Variants in MSL2 observed in about 807,000 individuals in gnomAD.
MSL2 encodes E3 ubiquitin-protein ligase MSL2.
In MSL2, 2 loss-of-function variants were observed where a neutral mutation model predicts 35.8. The ratio of observed to expected loss-of-function variants is 0.06; its 90% CI spans 0.02 to 0.18. MSL2 has a LOEUF of 0.18. Ranked by LOEUF, MSL2 falls within the 10% of genes least tolerant of loss-of-function variation. MSL2 has a pLI of 1.00. For synonymous variants in MSL2, 296 were observed against 255.7 expected, an observed-to-expected ratio of 1.16 and a Z score of -1.50; for missense variants, 523 against 706.7, an observed-to-expected ratio of 0.74 and a Z score of 2.95.
intron 1 of MSL2, among the ~76,000 whole-genome samples, chr3:136,182,210 T>C (rs1940387468): frequency 6.6e-6 from 1 of 152,178 alleles, no homozygotes; most frequent in African/African-American, 2.4e-5. Context: ...ACAATGTTGT[T>C]AAGGATAACA....
rs991224702 is a variant in MSL2, at chr3:136,170,142, G to A, written c.143-17404C>T. Among the ~76,000 whole-genome samples, 26 of 150,892 alleles carry A rather than the reference G, an allele frequency of 1.7e-4. No homozygotes were observed. The South Asian group carries it at 2.5e-3, about 15-fold the overall frequency. ...AGATCACCTGAGGTCAGGGGTTCAC[G>A]ACCAGCCTGGCCAACATGGTGAAAC... is the stretch of plus-strand genomic sequence containing the variant. On this transcript the variant is annotated intron_variant, in intron 1 of 1. Coordinates refer to ENST00000309993, the MANE Select transcript of MSL2 (RefSeq NM_018133.4).
At chr3:136,192,696 A>AG (rs1244135000) in intron 1 of MSL2, among the ~76,000 whole-genome samples, 3 of 152,250 alleles carry the variant, frequency 2.0e-5, no homozygotes, top group Non-Finnish European at 4.4e-5. Context: ...AAAAGGTAGT[A>AG]GCGGGTCAAA....
At chr3:136,184,330 G>A (rs189434684) in intron 1 of MSL2, among the ~76,000 whole-genome samples, 1 of 151,938 alleles carries the variant, frequency 6.6e-6, no homozygotes, top group Admixed American at 6.6e-5. Flanking sequence ...GCTGGGCACA[G>A]TAGCTCATGT....
At chr3:136,153,792 A>G (rs192611426) in intron 1 of MSL2, among the ~76,000 whole-genome samples, 16 of 143,714 alleles carry the variant, frequency 1.1e-4, no homozygotes, top group African/African-American at 3.9e-4. Flanking sequence ...TTAGTCTCAA[A>G]AAAAAAAAGG....
chr3:136,194,340 C>T (rs1940773949), intron 1 of MSL2: 2 of 908,384 alleles, frequency 2.2e-6, no homozygotes, highest in African/African-American at 3.6e-5. Flanking sequence ...TAACCCTCGA[C>T]AAAGCCAAAG....
In MSL2 at chr3:136,195,833, C is replaced by G; in HGVS notation, c.-720G>C. On this transcript the variant is annotated 5_prime_UTR_variant, in exon 1 of 2. Coordinates refer to ENST00000309993, the MANE Select transcript of MSL2 (RefSeq NM_018133.4). ...GAGTCCTCAACCCGGAGGGGAAGGC[C>G]GGGGAGGAAGTGCGCGGGCCGCCGC... 1 of 984,448 alleles carries G rather than the reference C, an allele frequency of 1.0e-6. No homozygotes were observed. The highest frequency in any genetic ancestry group is 4.7e-5 in the South Asian group (1 of 21,252). 61.0% of individuals were successfully genotyped at this position (984,448 alleles called of 1,614,324 possible).
intron 1 of MSL2, among the ~76,000 whole-genome samples, chr3:136,186,140 T>A (rs1940516221): frequency 6.6e-6 from 1 of 152,208 alleles, no homozygotes; most frequent in Non-Finnish European, 1.5e-5. Context: ...ATCAACATCC[T>A]TCCTTACTTC....
At chr3:136,156,964 A>G (rs1185559598) in intron 1 of MSL2, among the ~76,000 whole-genome samples, 3 of 152,252 alleles carry the variant, frequency 2.0e-5, no homozygotes, top group Admixed American at 6.5e-5. Context: ...TTGTAAACCG[A>G]GTGATAAAAC....
At chr3:136,179,141 G>A (rs1241441866) in intron 1 of MSL2, among the ~76,000 whole-genome samples, 2 of 151,738 alleles carry the variant, frequency 1.3e-5, no homozygotes, top group Non-Finnish European at 2.9e-5. Context: ...TAGTGTAATG[G>A]TCATAAACCT....
chr3:136,171,811 GTA>G (rs1159095631), intron 1 of MSL2, among the ~76,000 whole-genome samples: 2 of 152,290 alleles, frequency 1.3e-5, no homozygotes, highest in East Asian at 3.8e-4. Flanking sequence ...TTGCATTTGG[GTA>G]TAATTAATTT....
chr3:136,151,524 A>T lies in MSL2; in HGVS notation c.1357T>A (p.Tyr453Asn), dbSNP rs1264831265. ...FMPGSPTKTV[Y>N]KKPQEKKGCK... ...CCTTTCTTTTCCTGGGGTTTTTTGT[A>T]CACAGTCTTGGTAGGACTTCCTGGC... Residue 453 changes from tyrosine (Y) to asparagine (N), a missense_variant, in exon 2 of 2, where the codon TAC becomes AAC. By Grantham distance (143) the Tyr-to-Asn change is moderately radical. Coordinates refer to ENST00000309993, the MANE Select transcript of MSL2 (RefSeq NM_018133.4). The surrounding 1 kb of genome is among the most constrained non-coding windows in gnomAD (Gnocchi z 5.2). The T allele has an allele frequency of 6.2e-7, 1 of 1,614,206 alleles. No individual in the cohort carries two copies.
chr3:136,156,032 A>G (rs1576355466), intron 1 of MSL2: 2 of 296,982 alleles, frequency 6.7e-6, no homozygotes. Context: ...ACTACTTCTT[A>G]CCTCTCTGCC....
intron 1 of MSL2, among the ~76,000 whole-genome samples, chr3:136,193,822 T>TTAC (rs1203980768): frequency 6.6e-6 from 1 of 152,194 alleles, no homozygotes; most frequent in Non-Finnish European, 1.5e-5. Flanking sequence ...ACTTAATGAC[T>TTAC]TACTCAGTTA....
chr3:136,178,297 T>C (rs1223117575), intron 1 of MSL2, among the ~76,000 whole-genome samples: 1 of 152,190 alleles, frequency 6.6e-6, no homozygotes. Flanking sequence ...TTATTACCTA[T>C]AAGATAATGT....
At chr3:136,159,354 C>CTTTTTTTTTTTTTTTTTTTTTTTTTTT (rs71157361) in intron 1 of MSL2, among the ~76,000 whole-genome samples, 4 of 70,054 alleles carry the variant, frequency 5.7e-5, no homozygotes, top group African/African-American at 1.7e-4. Context: ...AGAGTACTTT[C>CTTTTTTTTTTTTTTTTTTTTTTTTTTT]TTTTTTTTTT....
chr3:136,160,955 T>C (rs1939693051), intron 1 of MSL2, among the ~76,000 whole-genome samples: 1 of 149,950 alleles, frequency 6.7e-6, no homozygotes, highest in South Asian at 2.1e-4. Flanking sequence ...GGCATGGTGG[T>C]GCATGCCTGT....
chr3:136,151,569 T>A lies in MSL2; in HGVS notation c.1312A>T (p.Ile438Phe). 6.2e-7 allele frequency: 1 copy of A among 1,614,204 alleles called. No homozygotes were observed. The highest frequency in any genetic ancestry group is 8.5e-7 in the Non-Finnish European group (1 of 1,180,032). Residue 438 changes from isoleucine to phenylalanine, a missense_variant, in exon 2 of 2, where the codon ATT becomes TTT. Around this residue, in one of 5 missense-constraint regions of MSL2, gnomAD observed 361 missense variants for 414.6 expected, o/e 0.87. Coordinates refer to ENST00000309993, the MANE Select transcript of MSL2 (RefSeq NM_018133.4). This position sits in a 1 kb window ranked among gnomAD's most constrained non-coding sequence, Gnocchi z 5.2. ...LKKDKAVKEK[I>F]PSHHFMPGSP... ...CCTGGCATAAAATGATGACTAGGAA[T>A]CTTTTCCTTTACTGCTTTGTCTTTT...
intron 1 of MSL2, among the ~76,000 whole-genome samples, chr3:136,186,990 C>CA (rs953479800): frequency 1.0e-4 from 15 of 150,216 alleles, no homozygotes; most frequent in East Asian, 5.9e-4. Flanking sequence ...GAATCCTGAC[C>CA]AAAAAAAAAT....
rs190513050 is a variant in MSL2, at chr3:136,172,722, A to G, written c.143-19984T>C. Among the ~76,000 whole-genome samples the G allele has an allele frequency of 3.7e-4, 57 of 152,168 alleles. No individual in the cohort carries two copies. The East Asian group carries it at 0.01, about 27-fold the overall frequency. On this transcript the variant is annotated intron_variant, in intron 1 of 1. Transcript: ENST00000309993. ...TCCTTAGTAATCCTTACTGACACAG[A>G]CCCCTTTGAGAATCTGACTATACAA...
Sources: allele counts gnomAD v4.1 joint callset (sites outside exome capture counted in the v4.1 genomes callset), GRCh38; gene constraint gnomAD v4.1.1; regional missense constraint gnomAD v4.1.1; non-coding constraint Gnocchi (gnomAD v3.1); transcripts MANE v1.5; gene names NCBI Gene and HGNC (gene_info 2026-07-23, HGNC 2026-07-21).